Variants in RBFOX3 observed in about 807,000 individuals in gnomAD.
The protein encoded by RBFOX3 is RNA binding protein fox-1 homolog 3.
A neutral mutation model predicts 48.7 loss-of-function variants in RBFOX3; 17 were observed. That is an observed-to-expected ratio of 0.35 (90% CI 0.24 to 0.52). RBFOX3 has a LOEUF of 0.52. Among genes scored for constraint, RBFOX3 ranks in the 20% least tolerant of loss-of-function variants. The probability of loss-of-function intolerance (pLI) is 0.94; values close to 1 mark genes in which losing one functional copy is unlikely to be tolerated. For synonymous variants in RBFOX3, 212 were observed against 209.5 expected (o/e 1.01, Z -0.10); for missense variants, 382 against 497.5 (o/e 0.77, Z 2.21).
intron 4 of RBFOX3, among the ~76,000 whole-genome samples, chr17:79,210,732 T>C (rs536613662): frequency 6.6e-6 from 1 of 152,330 alleles, no homozygotes; most frequent in South Asian, 2.1e-4. Flanking sequence ...CCACCCTCCA[T>C]CTGCACGTCT....
At chr17:79,644,914 T>G in the RBFOX3 span, among the ~76,000 whole-genome samples, 1 of 152,212 alleles carries the variant, frequency 6.6e-6, no homozygotes, top group East Asian at 1.9e-4. Context: ...TTCTAAAATT[T>G]TTATGGAAAT....
intron 2 of RBFOX3, among the ~76,000 whole-genome samples, chr17:79,359,558 A>T (rs72849686): frequency 0.14 from 21,406 of 152,088 alleles, 1,838 homozygotes; most frequent in Middle Eastern, 0.22. Flanking sequence ...CAGACAGGCC[A>T]ATCACATTTG....
At chr17:79,116,211 A>G (rs2033911268) in intron 4 of RBFOX3, among the ~76,000 whole-genome samples, 1 of 152,232 alleles carries the variant, frequency 6.6e-6, no homozygotes. Flanking sequence ...ATGTTCCAGC[A>G]GCATGAGGAC....
intron 4 of RBFOX3, among the ~76,000 whole-genome samples, chr17:79,154,558 G>C (rs1023259236): frequency 6.6e-6 from 1 of 152,240 alleles, no homozygotes; most frequent in South Asian, 2.1e-4. Flanking sequence ...TGACTGGAGA[G>C]GTCTGGCTGA....
At chr17:79,336,342 G>A (rs186070311) in intron 2 of RBFOX3, among the ~76,000 whole-genome samples, 32 of 151,920 alleles carry the variant, frequency 2.1e-4, no homozygotes, top group Admixed American at 5.2e-4. Flanking sequence ...AGCCAAGATC[G>A]CACCACTGCA....
At chr17:79,246,900 C>A (rs898852669) in intron 3 of RBFOX3, among the ~76,000 whole-genome samples, 1 of 152,108 alleles carries the variant, frequency 6.6e-6, no homozygotes. Flanking sequence ...GGAAAAGGAG[C>A]CGAGTTAATA....
At chr17:79,519,471 G>T (rs913810024) in intron 1 of RBFOX3, among the ~76,000 whole-genome samples, 1 of 152,230 alleles carries the variant, frequency 6.6e-6, no homozygotes, top group African/African-American at 2.4e-5. Context: ...CCCCTCAAGA[G>T]GGAGGAGGCC....
chr17:79,360,921 G>C (rs1315945744), intron 2 of RBFOX3, among the ~76,000 whole-genome samples: 12 of 151,722 alleles, frequency 7.9e-5, no homozygotes, highest in Admixed American at 7.9e-4. Context: ...ATTGAGGTGT[G>C]ATTGTAAACC....
chr17:79,403,842 C>T (rs1488382938), intron 2 of RBFOX3, among the ~76,000 whole-genome samples: 3 of 147,734 alleles, frequency 2.0e-5, no homozygotes, highest in Non-Finnish European at 4.5e-5. Context: ...TACAGTGGCG[C>T]GATCTCGGCT....
chr17:79,235,932 G>A (rs1391730790), intron 3 of RBFOX3, 127 bp from the exon 4 acceptor site: 1 of 153,086 alleles, frequency 6.5e-6, no homozygotes, highest in Non-Finnish European at 1.5e-5. Context: ...CATCTCCCTG[G>A]GAGTCCAAGG....
At chr17:79,150,100 C>A (rs886516663) in intron 4 of RBFOX3, among the ~76,000 whole-genome samples, 9 of 136,868 alleles carry the variant, frequency 6.6e-5, no homozygotes, top group Admixed American at 7.8e-5. Context: ...TGGAGGCAGA[C>A]AAGGAGGGAC....
chr17:79,375,368 C>G (rs943650638), intron 2 of RBFOX3, among the ~76,000 whole-genome samples: 5 of 149,100 alleles, frequency 3.4e-5, no homozygotes, highest in Non-Finnish European at 7.4e-5. Context: ...GACACACACA[C>G]ACACACACAC....
intron 3 of RBFOX3, among the ~76,000 whole-genome samples, chr17:79,250,981 G>A (rs1266731672): frequency 1.3e-5 from 2 of 151,992 alleles, no homozygotes; most frequent in African/African-American, 4.8e-5. Context: ...GCTAATTTTT[G>A]TATTTTTAGT....
chr17:79,273,654 G>C (rs1176132829), intron 3 of RBFOX3, among the ~76,000 whole-genome samples: 1 of 152,152 alleles, frequency 6.6e-6, no homozygotes, highest in Non-Finnish European at 1.5e-5. Context: ...GCACATAGGT[G>C]GTCCCAAGAT....
At chr17:79,129,738 C>T (rs530581609) in intron 4 of RBFOX3, among the ~76,000 whole-genome samples, 2 of 152,330 alleles carry the variant, frequency 1.3e-5, no homozygotes, top group South Asian at 4.1e-4. Flanking sequence ...TGGCGTTTGC[C>T]AATTTCCCTG....
intron 2 of RBFOX3, among the ~76,000 whole-genome samples, chr17:79,380,159 C>G (rs1047477256): frequency 3.3e-5 from 5 of 151,836 alleles, no homozygotes; most frequent in Non-Finnish European, 7.4e-5. Context: ...CCCCGTCTGG[C>G]TCCCCCACCT....
chr17:79,309,106 C>CAA (rs5822288), intron 2 of RBFOX3, among the ~76,000 whole-genome samples: 45,849 of 143,452 alleles, frequency 0.32, 7,335 homozygotes, highest in East Asian at 0.37. Flanking sequence ...GACTCTGTCT[C>CAA]AAAAAAAAAA....
chr17:79,154,812 C>T (rs1312252701), intron 4 of RBFOX3, among the ~76,000 whole-genome samples: 1 of 152,218 alleles, frequency 6.6e-6, no homozygotes, highest in Non-Finnish European at 1.5e-5. Flanking sequence ...GTCTGGGCCT[C>T]CCCCAAACCC....
intron 1 of RBFOX3, among the ~76,000 whole-genome samples, chr17:79,521,090 C>T (rs1187689739): frequency 6.6e-6 from 1 of 152,184 alleles, no homozygotes; most frequent in Non-Finnish European, 1.5e-5. Flanking sequence ...GGATGGGGGG[C>T]ATGAGAGACA....
Sources: allele counts gnomAD v4.1 joint callset (sites outside exome capture counted in the v4.1 genomes callset), GRCh38; gene constraint gnomAD v4.1.1; transcripts MANE v1.5; gene names NCBI Gene and HGNC (gene_info 2026-07-23, HGNC 2026-07-21).